The following NEMP2 variants were observed in gnomAD, a reference collection of about 807,000 sequenced individuals.
The protein encoded by NEMP2 is nuclear envelope integral membrane protein 2.
NEMP2 carries 53 observed loss-of-function variants against 54.2 expected under a neutral mutation model. That is an observed-to-expected ratio of 0.98 (90% CI 0.78 to 1.23). NEMP2 has a LOEUF of 1.23. NEMP2 is among the 50% of genes most tolerant of loss of function. NEMP2 has a pLI of 0.00. For synonymous variants in NEMP2, 197 were observed against 190.3 expected, an observed-to-expected ratio of 1.04 and a Z score of -0.29; for missense variants, 455 against 511.3, an observed-to-expected ratio of 0.89 and a Z score of 1.06.
the NEMP2 span, chr2:190,444,847 C>T: frequency 1.2e-6 from 1 of 813,118 alleles, no homozygotes; most frequent in Non-Finnish European, 1.5e-6. Flanking sequence ...GTTTTGTGCC[C>T]TATTTTAAAT....
At chr2:190,491,690 T>C in the NEMP2 span, among the ~76,000 whole-genome samples, 2 of 152,164 alleles carry the variant, frequency 1.3e-5, no homozygotes, top group Non-Finnish European at 2.9e-5. This position sits in a 1 kb window ranked among gnomAD's most constrained non-coding sequence, Gnocchi z 4.2. Flanking sequence ...CCCTCTGCCA[T>C]AGCCTACCCA....
the NEMP2 span, among the ~76,000 whole-genome samples, chr2:190,638,023 T>G: frequency 6.6e-6 from 1 of 151,548 alleles, no homozygotes; most frequent in African/African-American, 2.4e-5. This position sits in a 1 kb window ranked among gnomAD's most constrained non-coding sequence, Gnocchi z 5.7. Context: ...GAGAGGGAGG[T>G]GAAAGTAAGT....
the NEMP2 span, among the ~76,000 whole-genome samples, chr2:190,455,309 G>A: frequency 9.2e-5 from 14 of 152,104 alleles, no homozygotes; most frequent in African/African-American, 1.4e-4. Context: ...GAAATCTAAC[G>A]TTTTAAGTAT....
At chr2:190,438,455 G>T in the NEMP2 span, among the ~76,000 whole-genome samples, 2 of 152,208 alleles carry the variant, frequency 1.3e-5, no homozygotes, top group African/African-American at 4.8e-5. This position sits in a 1 kb window ranked among gnomAD's most constrained non-coding sequence, Gnocchi z 5.2. Flanking sequence ...GGCAGAGGTT[G>T]CAGTGAGTCA....
chr2:190,628,315 T>C, the NEMP2 span: 1 of 152,152 alleles, frequency 6.6e-6, no homozygotes, highest in Non-Finnish European at 1.5e-5. This position sits in a 1 kb window ranked among gnomAD's most constrained non-coding sequence, Gnocchi z 4.1. Flanking sequence ...CAGACGTCAA[T>C]GGGAAGTGTT....
chr2:190,565,898 G>T, the NEMP2 span, among the ~76,000 whole-genome samples: 2 of 152,296 alleles, frequency 1.3e-5, no homozygotes, highest in South Asian at 4.1e-4. Context: ...GAGACTTCCA[G>T]CCACCAGAAC....
At chr2:190,615,270 C>T in the NEMP2 span, among the ~76,000 whole-genome samples, 6 of 152,312 alleles carry the variant, frequency 3.9e-5, no homozygotes, top group Admixed American at 2.0e-4. This position sits in a 1 kb window ranked among gnomAD's most constrained non-coding sequence, Gnocchi z 4.7. Flanking sequence ...GAGGTTCACA[C>T]GACTCCTTCC....
chr2:190,545,362 T>C, the NEMP2 span, among the ~76,000 whole-genome samples: 2 of 152,222 alleles, frequency 1.3e-5, no homozygotes, highest in African/African-American at 4.8e-5. Context: ...GTTCTCTTTT[T>C]TCCCCCCACT....
the NEMP2 span, among the ~76,000 whole-genome samples, chr2:190,548,306 T>C: frequency 6.6e-6 from 1 of 152,180 alleles, no homozygotes; most frequent in Non-Finnish European, 1.5e-5. Context: ...CTTAACTTAT[T>C]TCAGCAATAA....
the NEMP2 span, among the ~76,000 whole-genome samples, chr2:190,447,128 T>C: frequency 6.6e-6 from 1 of 152,206 alleles, no homozygotes; most frequent in Middle Eastern, 3.4e-3. The surrounding 1 kb of genome is among the most constrained non-coding windows in gnomAD (Gnocchi z 4.5). Flanking sequence ...ACACACAAAA[T>C]ATAAAAATAT....
At chr2:190,460,235 A>C in the NEMP2 span, among the ~76,000 whole-genome samples, 43 of 152,328 alleles carry the variant, frequency 2.8e-4, no homozygotes, top group East Asian at 8.1e-3. Flanking sequence ...CACATAAATA[A>C]AAATATTTAT....
the NEMP2 span, among the ~76,000 whole-genome samples, chr2:190,474,126 A>T: frequency 2.0e-5 from 3 of 152,194 alleles, no homozygotes; most frequent in South Asian, 6.2e-4. Context: ...AAGATCCAAA[A>T]TTGACGCCCT....
the NEMP2 span, chr2:190,469,946 G>C: frequency 1.2e-6 from 1 of 844,522 alleles, no homozygotes; most frequent in East Asian, 2.6e-5. This position sits in a 1 kb window ranked among gnomAD's most constrained non-coding sequence, Gnocchi z 5.3. Context: ...ATTCTATAAA[G>C]GAAGGGCAGG....
the NEMP2 span, among the ~76,000 whole-genome samples, chr2:190,448,669 G>C: frequency 2.6e-4 from 39 of 152,294 alleles, no homozygotes; most frequent in East Asian, 7.1e-3. Context: ...TAAATTTGTA[G>C]AGGAATAATA....
the NEMP2 span, among the ~76,000 whole-genome samples, chr2:190,421,548 C>T: frequency 6.6e-6 from 1 of 151,980 alleles, no homozygotes; most frequent in African/African-American, 2.4e-5. Context: ...TTTCTCTTCC[C>T]AGAGGCAACT....
chr2:190,545,143 AG>A, the NEMP2 span, among the ~76,000 whole-genome samples: 38 of 148,924 alleles, frequency 2.6e-4, no homozygotes, highest in African/African-American at 9.3e-4. Context: ...AGAAAAAAAA[AG>A]ATTTATTTTT....
At chr2:190,564,878 G>A in the NEMP2 span, among the ~76,000 whole-genome samples, 18 of 152,222 alleles carry the variant, frequency 1.2e-4, no homozygotes, top group Non-Finnish European at 4.4e-5. The surrounding 1 kb of genome is among the most constrained non-coding windows in gnomAD (Gnocchi z 4.2). Flanking sequence ...TTGTTGGAAA[G>A]AGAATGGAGG....
the NEMP2 span, among the ~76,000 whole-genome samples, chr2:190,428,650 CTTGCTTATTTATTTAT>C: frequency 5.6e-4 from 74 of 131,638 alleles, no homozygotes; most frequent in African/African-American, 1.5e-3. Context: ...TTTAGAGATG[CTTGCTTATTTATTTAT>C]TTATTTATTT....
chr2:190,514,910 A>C lies in NEMP2; in HGVS notation c.728-232T>G, dbSNP rs1690499214. Among the ~76,000 whole-genome samples, 2 of 152,224 alleles carry C rather than the reference A, an allele frequency of 1.3e-5. No individual in the cohort carries two copies. Among genetic ancestry groups the C allele is most frequent in the Middle Eastern group, 3.2e-3 (1 of 316 alleles). On this transcript the variant is annotated intron_variant, in intron 6 of 8. Transcript: ENST00000409150. The surrounding 1 kb of genome is among the most constrained non-coding windows in gnomAD (Gnocchi z 5.7). ...TGTACACTCATTATTATGATGATAC[A>C]TAAGTATGTCTGTGTTTTAGTCCAG...
Sources: allele counts gnomAD v4.1 joint callset (sites outside exome capture counted in the v4.1 genomes callset), GRCh38; gene constraint gnomAD v4.1.1; non-coding constraint Gnocchi (gnomAD v3.1); transcripts MANE v1.5; gene names NCBI Gene and HGNC (gene_info 2026-07-23, HGNC 2026-07-21).